Variants in ITGB2 observed in about 807,000 individuals in gnomAD.
ITGB2 encodes the protein integrin subunit beta 2, also known as integrin beta-2.
Under a neutral mutation model 86.8 loss-of-function variants are expected in ITGB2, and 56 were observed. The ratio of observed to expected loss-of-function variants is 0.65; its 90% CI spans 0.52 to 0.81. The LOEUF (loss-of-function observed/expected upper bound fraction) is 0.81. ITGB2 is among the 30% of genes least tolerant of loss of function. The probability of loss-of-function intolerance (pLI) is 0.00; values close to 1 mark genes in which losing one functional copy is unlikely to be tolerated. For synonymous variants in ITGB2, 457 were observed against 450.4 expected (o/e 1.01, Z -0.19); for missense variants, 948 against 1,061.2 (o/e 0.89, Z 1.48).
upstream of ITGB2, chr21:44,923,071 T>C (rs996786501): frequency 1.3e-5 from 2 of 152,230 alleles, no homozygotes; most frequent in South Asian, 2.1e-4. Context: ...GAAATAACAA[T>C]AGAAATCAAG....
chr21:44,912,042 T>C (rs986589860), intron 1 of ITGB2, among the ~76,000 whole-genome samples: 1 of 152,146 alleles, frequency 6.6e-6, no homozygotes, highest in Non-Finnish European at 1.5e-5. Context: ...CTTCCTGTCA[T>C]GGTGGGCAGG....
chr21:44,899,561 G>A lies in ITGB2; in HGVS notation c.898-399C>T, dbSNP rs199594694. Among the ~76,000 whole-genome samples the A allele has an allele frequency of 2.1e-4, 6 of 28,794 alleles. No individual in the cohort carries two copies. In the East Asian group the frequency reaches 0.027, roughly 127 times the overall value. 18.9% of individuals were successfully genotyped at this position (28,794 alleles called of 152,430 possible). On this transcript the variant is annotated intron_variant, in intron 7 of 15. Transcript: ENST00000652462. ...CCGGGACCCGAGGGCCGTCCCTCCC[G>A]TCTGTGGCTCCCGGCGGAGGACCTG...
At chr21:44,887,351 C>T (rs543141850) in intron 14 of ITGB2, among the ~76,000 whole-genome samples, 2 of 152,256 alleles carry the variant, frequency 1.3e-5, no homozygotes, top group South Asian at 2.1e-4. Flanking sequence ...CAGGTGAGGC[C>T]GGTGCCAGGA....
At chr21:44,896,776 C>T (rs1199012844) in intron 8 of ITGB2, among the ~76,000 whole-genome samples, 4 of 152,218 alleles carry the variant, frequency 2.6e-5, no homozygotes, top group Non-Finnish European at 5.9e-5. Context: ...CCTTGACCAC[C>T]CCCGAAGGTG....
Position 44,899,156 on chromosome 21 carries a change from G to C in ITGB2, c.904C>G (p.Pro302Ala). Residue 302 changes from proline (P) to alanine (A), a missense_variant, in exon 8 of 16, where the codon CCA (proline) becomes GCA (alanine). Pro to Ala is a conservative substitution (Grantham distance 27). Coordinates refer to ENST00000652462, the MANE Select transcript of ITGB2 (RefSeq NM_000211.5). Reference protein sequence around the residue: ...LYKRSNEFDYPSVGQLAHKLA... With the variant: ...LYKRSNEFDYASVGQLAHKLA... ...TTGTGCGCCAGCTGGCCCACCGATG[G>C]GTAGTCCTGGAGAGAGGAGGTCCTG... The C allele has an allele frequency of 6.2e-7, 1 of 1,613,500 alleles. No individual in the cohort carries two copies. The highest frequency in any genetic ancestry group is 8.5e-7 in the Non-Finnish European group (1 of 1,179,498).
chr21:44,890,583 T>C (rs1379400176), intron 11 of ITGB2, among the ~76,000 whole-genome samples: 2 of 152,034 alleles, frequency 1.3e-5, no homozygotes, highest in African/African-American at 4.8e-5. Context: ...TGGTGGCCAG[T>C]GGGGACTCGG....
Position 44,910,749 on chromosome 21 carries a change from C to T in ITGB2, c.34G>A (p.Val12Met), listed in dbSNP as rs771825118. ...CCGCACCCGAGGGAGAGCAGCCCCA[C>T]CAGGGCGAGCAGTGGGGGGCGCAGG... is the stretch of plus-strand genomic sequence containing the variant. ...LGLRPPLLAL[V>M]GLLSLGCVLS... The change falls in exon 2 of 16, where the codon GTG becomes ATG. Residue 12 changes from valine (V) to methionine (M), a missense_variant. Val to Met is a conservative substitution (Grantham distance 21). Coordinates refer to ENST00000652462, the MANE Select transcript of ITGB2 (RefSeq NM_000211.5). 2 of 1,614,044 alleles carry T rather than the reference C, an allele frequency of 1.2e-6. No individual in the cohort carries two copies. Among genetic ancestry groups the T allele is most frequent in the Admixed American group, 3.3e-5 (2 of 59,998 alleles).
intron 1 of ITGB2, 188 bp from the exon 2 acceptor site, chr21:44,910,973 C>T (rs1205275640): frequency 4.8e-6 from 3 of 623,560 alleles, no homozygotes. Context: ...GGGAGGGATC[C>T]CGGGCTCAGC....
chr21:44,899,930 G>C (rs1235539025), intron 7 of ITGB2, among the ~76,000 whole-genome samples: 1 of 152,224 alleles, frequency 6.6e-6, no homozygotes, highest in Non-Finnish European at 1.5e-5. Context: ...AGTGGAGGCC[G>C]GGAGGGGGAG....
In ITGB2 at chr21:44,890,043, C is replaced by T. The variant is rs772587844; in HGVS notation, c.1592G>A (p.Gly531Glu). Residue 531 changes from glycine to glutamate, a missense_variant, in exon 12 of 16, where the codon GGG becomes GAG. Coordinates refer to ENST00000652462, the MANE Select transcript of ITGB2 (RefSeq NM_000211.5). Reference protein sequence around the residue: ...TSDVPGKLIYGQYCECDTINC... With the variant: ...TSDVPGKLIYEQYCECDTINC... ...GATGGTGTCACACTCGCAGTACTGC[C>T]CGTATATCAGCTTGCCGGGGACGTC... The T allele has an allele frequency of 6.2e-7, 1 of 1,613,584 alleles. No homozygotes were observed. Among genetic ancestry groups the T allele is most frequent in the Non-Finnish European group, 8.5e-7 (1 of 1,180,030 alleles).
At position 44,907,061 on chromosome 21, in the gene ITGB2, C is replaced by A; in HGVS notation, c.182G>T (p.Arg61Leu). Residue 61 changes from arginine to leucine, a missense_variant, in exon 4 of 16, where the codon CGC (arginine) becomes CTC (leucine). Coordinates refer to ENST00000652462, the MANE Select transcript of ITGB2 (RefSeq NM_000211.5). The stretch of plus-strand genomic sequence containing the variant: ...GAGCAGCTGTGGCCGGGTGTCGCAG[C>A]GAATGGAGTCAGGATCCCCCGGCCC... ...FTGPGDPDSIRCDTRPQLLMR... is the reference protein window; with the variant it reads ...FTGPGDPDSILCDTRPQLLMR... 2 of 1,609,932 alleles carry A rather than the reference C, an allele frequency of 1.2e-6. No homozygotes were observed. Among genetic ancestry groups the A allele is most frequent in the Non-Finnish European group, 1.7e-6 (2 of 1,176,938 alleles).
Position 44,889,467 on chromosome 21 carries a change from G to T in ITGB2, c.1686C>A (p.Cys562Ter). The T allele has an allele frequency of 6.3e-7, 1 of 1,583,468 alleles. No individual in the cohort carries two copies. The highest frequency in any genetic ancestry group is 8.6e-7 in the Non-Finnish European group (1 of 1,165,366). ...PGRGLCFCGK[C>*]RCHPGFEGSA... The stretch of plus-strand genomic sequence containing the variant: ...AGCCCTCAAAGCCCGGGTGGCAGCG[G>T]CACTTCCCGCAGAAGCAGAGCCCCC... The change falls in exon 13 of 16, where the codon TGC becomes TGA. Residue 562 changes from cysteine (C) to a stop codon, truncating the protein, a stop_gained. Coordinates refer to ENST00000652462, the MANE Select transcript of ITGB2 (RefSeq NM_000211.5). LOFTEE classifies it high-confidence loss of function.
chr21:44,913,940 G>A (rs573906931), intron 1 of ITGB2, among the ~76,000 whole-genome samples: 1 of 152,292 alleles, frequency 6.6e-6, no homozygotes, highest in East Asian at 1.9e-4. Context: ...CTGGTGCCCT[G>A]AGGCTAAGCC....
At position 44,907,088 on chromosome 21, in the gene ITGB2, G is replaced by A; in HGVS notation, c.155C>T (p.Thr52Ile). The change falls in exon 4 of 16, where the codon ACA becomes ATA. Residue 52 changes from threonine to isoleucine, a missense_variant. Thr to Ile is a moderately conservative substitution (Grantham distance 89, BLOSUM62 -1). Coordinates refer to ENST00000652462, the MANE Select transcript of ITGB2 (RefSeq NM_000211.5). The stretch of plus-strand genomic sequence containing the variant: ...AATGGAGTCAGGATCCCCCGGCCCT[G>A]TGAAGTTCTGGGGAGGGGGAGTCAG... ...GCTWCQKLNF[T>I]GPGDPDSIRC... 1 of 1,600,102 alleles carries A rather than the reference G, an allele frequency of 6.2e-7. No individual in the cohort carries two copies. Among genetic ancestry groups the A allele is most frequent in the Non-Finnish European group, 8.5e-7 (1 of 1,170,806 alleles).
Position 44,894,971 on chromosome 21 carries a change from A to T in ITGB2, c.1083T>A (p.Asn361Lys). 8 of 1,599,454 alleles carry T rather than the reference A, an allele frequency of 5.0e-6. No individual in the cohort carries two copies. Among genetic ancestry groups the T allele is most frequent in the South Asian group, 1.1e-5 (1 of 90,782 alleles). The change falls in exon 9 of 16, where the codon AAT becomes AAA. Residue 361 changes from asparagine (N) to lysine (K), a missense_variant and splice_region_variant. By Grantham distance (94) the Asn-to-Lys change is moderately conservative. Transcript: ENST00000652462. Reference protein sequence around the residue: ...NVVHLIKNAYNKLSSRVFLDH... With the variant: ...NVVHLIKNAYKKLSSRVFLDH... ...CAGCTGAGTGGTGCGGGAGACTCACATTGTAAGCATTCTTAATGAGATGGA... is the reference window on the plus strand; with the variant it reads ...CAGCTGAGTGGTGCGGGAGACTCACTTTGTAAGCATTCTTAATGAGATGGA...
intron 1 of ITGB2, among the ~76,000 whole-genome samples, chr21:44,918,998 T>TCCCCTCTCCCAGCACTCGGAGCTGAGCG (rs1555861633): frequency 0.01 from 580 of 56,660 alleles, 11 homozygotes; most frequent in Middle Eastern, 0.068. Flanking sequence ...GAGCTGAGCA[T>TCCCCTCTCCCAGCACTCGGAGCTGAGCG]TCCCCTCTCC....
At chr21:44,886,612 C>T in intron 15 of ITGB2, 124 bp downstream of exon 15, 2 of 1,493,484 alleles carry the variant, frequency 1.3e-6, no homozygotes, top group Non-Finnish European at 1.9e-6. Flanking sequence ...GCCCAGAGGA[C>T]AAGCTGCCTG....
rs184620254 is a variant in ITGB2, at chr21:44,910,843, C to T, written c.-3-58G>A. On this transcript the variant is annotated intron_variant, in intron 1 of 15. Coordinates refer to ENST00000652462, the MANE Select transcript of ITGB2 (RefSeq NM_000211.5). Reference sequence around the variant, plus strand: ...AGGCCCAACCCCTGGGGCTGACCACCCATGAAGCTCCCCTCCAGCTGGCCT... The same window carrying T: ...AGGCCCAACCCCTGGGGCTGACCACTCATGAAGCTCCCCTCCAGCTGGCCT... 9.2e-5 allele frequency: 142 copies of T among 1,536,592 alleles called. No homozygotes were observed. In the African/African-American group the frequency reaches 1.7e-3, roughly 18 times the overall value.
At chr21:44,907,531 T>C (rs2084061912) in intron 3 of ITGB2, among the ~76,000 whole-genome samples, 1 of 152,220 alleles carries the variant, frequency 6.6e-6, no homozygotes, top group South Asian at 2.1e-4. Flanking sequence ...GGCAGGGTTC[T>C]GGGCCAAGCC....
Sources: allele counts gnomAD v4.1 joint callset (sites outside exome capture counted in the v4.1 genomes callset), GRCh38; gene constraint gnomAD v4.1.1; transcripts MANE v1.5; gene names NCBI Gene and HGNC (gene_info 2026-07-23, HGNC 2026-07-21).